The following KIF2C variants were observed in gnomAD, a reference collection of about 807,000 sequenced individuals.
The protein encoded by KIF2C is kinesin family member 2C.
In KIF2C, 34 loss-of-function variants were observed where a neutral mutation model predicts 97.4. The observed-to-expected ratio is 0.35, with a 90% CI of 0.27 to 0.46. The LOEUF (loss-of-function observed/expected upper bound fraction) is 0.46, where lower values mean the gene tolerates loss of function less well. Ranked by LOEUF, KIF2C falls within the 20% of genes least tolerant of loss-of-function variation. KIF2C has a pLI of 1.00. For missense variants in KIF2C, 750 were observed against 907.6 expected (o/e 0.83, Z 2.23); for synonymous variants, 313 against 318.2 (o/e 0.98, Z 0.17).
At chr1:44,761,795 C>T (rs2148833377) in intron 16 of KIF2C, 121 bp from the exon 17 acceptor site, 3 of 903,240 alleles carry the variant, frequency 3.3e-6, no homozygotes, top group East Asian at 4.8e-5. Context: ...ACTCCTCCCA[C>T]CAATACCATG....
Position 44,740,965 on chromosome 1 carries a change from T to C in KIF2C, c.123T>C (p.Val41=). ...CTGTGAACTTGGAGAAATCCTGTGT[T>C]TCAGTGGAATGGGCAGAAGGAGGTG... ...VRTVNLEKSC[V]SVEWAEGGAT... Residue 41 remains valine (V), a synonymous_variant, in exon 2 of 21, where the codon GTT becomes GTC. Transcript: ENST00000372224. 1 of 1,613,936 alleles carries C rather than the reference T, an allele frequency of 6.2e-7. No individual in the cohort carries two copies. The highest frequency in any genetic ancestry group is 8.5e-7 in the Non-Finnish European group (1 of 1,179,868).
rs1038148278 is a variant in KIF2C at position 44,757,803 on chromosome 1, C to T, written c.1069-105C>T. 2.0e-5 allele frequency: 26 copies of T among 1,278,340 alleles called. No individual in the cohort carries two copies. The African/African-American group carries it at 3.4e-4, about 17-fold the overall frequency. The allele number at this position is 1,278,340 out of a possible 1,614,324, so 79.2% of individuals were successfully genotyped here. ...TCAGATGCAGGGAGGGGCTTTAGGT[C>T]CAGCCTTCTGGCTTTGTTGTGGCCC... is the stretch of plus-strand genomic sequence containing the variant. On this transcript the variant is annotated intron_variant, in intron 11 of 20. Coordinates refer to ENST00000372224, the MANE Select transcript of KIF2C (RefSeq NM_006845.4).
At chr1:44,754,923 C>T in intron 8 of KIF2C, 78 bp downstream of exon 8, 2 of 858,542 alleles carry the variant, frequency 2.3e-6, no homozygotes, top group Non-Finnish European at 3.9e-6. Context: ...GGAATGAGGG[C>T]ATGCAGGAAT....
At chr1:44,745,060 A>T (rs999648720) in intron 2 of KIF2C, among the ~76,000 whole-genome samples, 1 of 151,368 alleles carries the variant, frequency 6.6e-6, no homozygotes, top group Non-Finnish European at 1.5e-5. Flanking sequence ...ATGGTGGCGC[A>T]TGCCTGTAAT....
Position 44,755,912 on chromosome 1 carries a change from C to T in KIF2C, c.760-17C>T, listed in dbSNP as rs1557596453. ...CTGACCCTTTGCTGTTGGTTGCCTC[C>T]TCTCATCCGCTTGCAGATCGAAGAG... On this transcript the variant is annotated splice_polypyrimidine_tract_variant and intron_variant, in intron 8 of 20. Transcript: ENST00000372224. 6.2e-7 allele frequency: 1 copy of T among 1,613,274 alleles called. No individual in the cohort carries two copies. Among genetic ancestry groups the T allele is most frequent in the Non-Finnish European group, 8.5e-7 (1 of 1,179,898 alleles).
At chr1:44,756,944 G>C (rs1360083993) in intron 10 of KIF2C, among the ~76,000 whole-genome samples, 1 of 150,764 alleles carries the variant, frequency 6.6e-6, no homozygotes, top group Non-Finnish European at 1.5e-5. Context: ...TTGAGACAGA[G>C]TCTCAGTCAG....
At chr1:44,759,465 C>A in intron 14 of KIF2C, 117 bp downstream of exon 14, 1 of 1,232,706 alleles carries the variant, frequency 8.1e-7, no homozygotes, top group Non-Finnish European at 1.2e-6. Context: ...TTGGTAAGGG[C>A]TGCGAAGGCC....
intron 14 of KIF2C, 148 bp downstream of exon 14, chr1:44,759,496 T>A (rs1024142578): frequency 2.2e-5 from 20 of 926,378 alleles, no homozygotes; most frequent in Non-Finnish European, 2.9e-5. Context: ...GGGGTCTCAA[T>A]AAGACATATG....
rs1438255181 is a variant in KIF2C at position 44,761,613 on chromosome 1, AAAAAAAG to A, written c.1684-290_1684-284del. ...ACAGAGTGAGACTCCGTCTCAAAAA[AAAAAAAG>A]AAAAAAGAAAAAGATAGGACCTTGG... On this transcript the variant is annotated intron_variant, in intron 16 of 20. Transcript: ENST00000372224. 6.9e-3 allele frequency among the ~76,000 whole-genome samples: 1,055 copies of A among 151,940 alleles called. 13 individuals are homozygous for A. Among genetic ancestry groups the A allele is most frequent in the African/African-American group, 0.024 (1,005 of 41,316 alleles).
At position 44,760,655 on chromosome 1, in the gene KIF2C, C is replaced by A. The variant is rs1438739927; in HGVS notation, c.1636C>A (p.Gln546Lys). 1.9e-6 allele frequency: 3 copies of A among 1,614,098 alleles called. No individual in the cohort carries two copies. The highest frequency in any genetic ancestry group is 1.1e-5 in the South Asian group (1 of 91,090). Residue 546 changes from glutamine (Q) to lysine (K), a missense_variant, in exon 16 of 21, where the codon CAG becomes AAG. Transcript: ENST00000372224. The surrounding 1 kb of genome is among the most constrained non-coding windows in gnomAD (Gnocchi z 4.2). Reference sequence around the variant, plus strand: ...CCCGTTCCGTGAGAGCAAGCTGACACAGGTGCTGAGGGACTCCTTCATTGG... The same window carrying A: ...CCCGTTCCGTGAGAGCAAGCTGACAAAGGTGCTGAGGGACTCCTTCATTGG... ...HTPFRESKLT[Q>K]VLRDSFIGEN...
In KIF2C at chr1:44,765,991, G is replaced by A. The variant is rs1650443479; in HGVS notation, c.1972-835G>A. Among the ~76,000 whole-genome samples, 3 of 152,236 alleles carry A rather than the reference G, an allele frequency of 2.0e-5. No individual in the cohort carries two copies. In the South Asian group the frequency reaches 6.2e-4, roughly 32 times the overall value. On this transcript the variant is annotated intron_variant, in intron 19 of 20. Coordinates refer to ENST00000372224, the MANE Select transcript of KIF2C (RefSeq NM_006845.4). ...CACTTGAACCCGGGAGGCGGAGGTT[G>A]CAGTGAGCCGAGATCACGCCACTGC...
At chr1:44,745,761 C>T (rs1392663499) in intron 2 of KIF2C, among the ~76,000 whole-genome samples, 3 of 152,004 alleles carry the variant, frequency 2.0e-5, no homozygotes, top group African/African-American at 4.8e-5. Flanking sequence ...TGAGCCACCA[C>T]GCCCGGCCTA....
At chr1:44,740,754 C>G (rs1334993848) in intron 1 of KIF2C, among the ~76,000 whole-genome samples, 159 bp from the exon 2 acceptor site, 1 of 151,384 alleles carries the variant, frequency 6.6e-6, no homozygotes, top group Non-Finnish European at 1.5e-5. Context: ...AAGGTGAAGC[C>G]CAGGAGATTT....
chr1:44,762,057 G>A, intron 17 of KIF2C, 74 bp downstream of exon 17: 1 of 1,358,428 alleles, frequency 7.4e-7, no homozygotes, highest in Non-Finnish European at 1.1e-6. Context: ...GAGGGGAGGA[G>A]GCTCTGGGGC....
intron 4 of KIF2C, among the ~76,000 whole-genome samples, chr1:44,748,512 A>G (rs1377494772): frequency 1.3e-5 from 2 of 152,068 alleles, no homozygotes; most frequent in African/African-American, 4.8e-5. Flanking sequence ...TTCCGTGTTC[A>G]TGTCCTCAAA....
chr1:44,760,771 T>G lies in KIF2C; in HGVS notation c.1683+69T>G. ...AGTTGCTTTCCACAGAGACACTTAG[T>G]CCTGTCCCTGGGCTGGAAGCTCAGC... On this transcript the variant is annotated intron_variant, in intron 16 of 20. Coordinates refer to ENST00000372224, the MANE Select transcript of KIF2C (RefSeq NM_006845.4). This position sits in a 1 kb window ranked among gnomAD's most constrained non-coding sequence, Gnocchi z 4.2. 2.3e-6 allele frequency: 3 copies of G among 1,281,204 alleles called. No individual in the cohort carries two copies. The highest frequency in any genetic ancestry group is 3.4e-6 in the Non-Finnish European group (3 of 887,904). The allele number at this position is 1,281,204 out of a possible 1,614,324, so 79.4% of individuals were successfully genotyped here.
Position 44,753,808 on chromosome 1 carries a change from C to A in KIF2C, c.638C>A (p.Ser213Tyr). The change falls in exon 7 of 21, where the codon TCT becomes TAT. Residue 213 changes from serine (S) to tyrosine (Y), a missense_variant. Transcript: ENST00000372224. Reference sequence around the variant, plus strand: ...CGAGAAGAGAAGAAGGCCCAGAACTCTGAAATGAGAATGAAGAGAGCTCAG... The same window carrying A: ...CGAGAAGAGAAGAAGGCCCAGAACTATGAAATGAGAATGAAGAGAGCTCAG... ...NKREEKKAQN[S>Y]EMRMKRAQEY... 1 of 1,610,762 alleles carries A rather than the reference C, an allele frequency of 6.2e-7. No homozygotes were observed. The highest frequency in any genetic ancestry group is 1.1e-5 in the South Asian group (1 of 90,472).
At position 44,759,263 on chromosome 1, in the gene KIF2C, C is replaced by G; in HGVS notation, c.1282C>G (p.Gln428Glu). 1.2e-6 allele frequency: 2 copies of G among 1,614,174 alleles called. No homozygotes were observed. The highest frequency in any genetic ancestry group is 1.1e-5 in the South Asian group (1 of 91,076). The stretch of plus-strand genomic sequence containing the variant: ...GCGCGTGCTGGAGGACGGCAAGCAA[C>G]AGGTGCAAGTGGTGGGGCTGCAGGA... ...KLRVLEDGKQ[Q>E]VQVVGLQEHL... Residue 428 changes from glutamine to glutamate, a missense_variant, in exon 14 of 21, where the codon CAG becomes GAG. Transcript: ENST00000372224.
At chr1:44,762,155 G>A (rs572584380) in intron 17 of KIF2C, 172 bp downstream of exon 17, 12 of 830,506 alleles carry the variant, frequency 1.4e-5, no homozygotes, top group South Asian at 7.0e-5. Flanking sequence ...AATCCTCTCC[G>A]GGCCCTGCTG....
Sources: gnomAD v4.1 joint callset for allele counts (sites outside exome capture counted in the v4.1 genomes callset) on GRCh38, gnomAD v4.1.1 for gene constraint, Gnocchi (gnomAD v3.1) non-coding constraint, MANE v1.5 for transcripts, NCBI Gene and HGNC (gene_info 2026-07-23, HGNC 2026-07-21) for gene names.